Variants in ATP8B1 observed in about 807,000 individuals in gnomAD.
The protein encoded by ATP8B1 is phospholipid-transporting ATPase IC.
In ATP8B1, 80 loss-of-function variants were observed where a neutral mutation model predicts 149.9. The observed-to-expected ratio is 0.53, with a 90% CI of 0.45 to 0.64. The LOEUF (loss-of-function observed/expected upper bound fraction) is 0.64. Ranked by LOEUF, ATP8B1 falls within the 30% of genes least tolerant of loss-of-function variation. The probability of loss-of-function intolerance (pLI) is 0.00; values close to 1 mark genes in which losing one functional copy is unlikely to be tolerated. For missense variants in ATP8B1, 1,247 were observed against 1,552.6 expected, an observed-to-expected ratio of 0.80 and a Z score of 3.31; for synonymous variants, 536 against 562.8, an observed-to-expected ratio of 0.95 and a Z score of 0.67.
intron 19 of ATP8B1, chr18:57,667,909 T>G: frequency 3.0e-6 from 1 of 328,422 alleles, no homozygotes; most frequent in Non-Finnish European, 5.3e-6. Context: ...GAGACATTAT[T>G]TGATTTCTTG....
In ATP8B1 at chr18:57,709,457, C is replaced by G. The variant is rs941028655; in HGVS notation, c.182-2870G>C. 1.9e-4 allele frequency among the ~76,000 whole-genome samples: 29 copies of G among 152,276 alleles called. No homozygotes were observed. In the South Asian group the frequency reaches 4.1e-3, roughly 22 times the overall value. On this transcript the variant is annotated intron_variant, in intron 2 of 27. Transcript: ENST00000648908. ...ATCATAGGCACTTTTTAAAAAATCACAGAACACTTATTAACATCAGTTAAG... is the reference window on the plus strand; with the variant it reads ...ATCATAGGCACTTTTTAAAAAATCAGAGAACACTTATTAACATCAGTTAAG...
intron 1 of ATP8B1, among the ~76,000 whole-genome samples, chr18:57,786,332 A>G (rs149209620): frequency 2.6e-5 from 4 of 152,334 alleles, no homozygotes; most frequent in South Asian, 2.1e-4. Context: ...CCGTGGCTGG[A>G]CATCACTTCA....
chr18:57,741,399 A>T (rs2079912636), intron 1 of ATP8B1, among the ~76,000 whole-genome samples: 1 of 152,202 alleles, frequency 6.6e-6, no homozygotes, highest in Non-Finnish European at 1.5e-5. Context: ...CAAGATGTGA[A>T]GTTAGCATTG....
chr18:57,773,352 T>TG (rs1466533019), intron 1 of ATP8B1, among the ~76,000 whole-genome samples: 1 of 152,058 alleles, frequency 6.6e-6, no homozygotes, highest in Non-Finnish European at 1.5e-5. Context: ...AATAAGGTGG[T>TG]GCAGACAGAA....
intron 2 of ATP8B1, among the ~76,000 whole-genome samples, chr18:57,707,347 G>A (rs1913456999): frequency 6.6e-6 from 1 of 152,178 alleles, no homozygotes; most frequent in Non-Finnish European, 1.5e-5. Flanking sequence ...CACCTCTTTG[G>A]CACCAAGTTC....
chr18:57,676,613 G>T (rs1164885626), intron 15 of ATP8B1, among the ~76,000 whole-genome samples: 1 of 151,186 alleles, frequency 6.6e-6, no homozygotes, highest in Non-Finnish European at 1.5e-5. Flanking sequence ...CAGCTACTCG[G>T]GAGGCTGAGG....
chr18:57,680,634 G>A (rs1330883702), intron 15 of ATP8B1, among the ~76,000 whole-genome samples: 1 of 148,576 alleles, frequency 6.7e-6, no homozygotes, highest in Non-Finnish European at 1.5e-5. Context: ...AACCACACAC[G>A]CTCACAAAAA....
chr18:57,774,819 T>C (rs941896039), intron 1 of ATP8B1, among the ~76,000 whole-genome samples: 1 of 152,230 alleles, frequency 6.6e-6, no homozygotes, highest in Non-Finnish European at 1.5e-5. Context: ...CTCACCTCTT[T>C]TGCCCTTCAT....
intron 2 of ATP8B1, among the ~76,000 whole-genome samples, chr18:57,723,820 G>A (rs1172395616): frequency 6.7e-6 from 1 of 149,414 alleles, no homozygotes; most frequent in Non-Finnish European, 1.5e-5. Flanking sequence ...GAACAAAGCT[G>A]GAGGCATCAC....
At chr18:57,663,761 ATTTTTTTTTT>A (rs10598900) in intron 20 of ATP8B1, among the ~76,000 whole-genome samples, 1 of 97,462 alleles carries the variant, frequency 1.0e-5, no homozygotes, top group Non-Finnish European at 1.9e-5. Context: ...TGCTTTGCCC[ATTTTTTTTTT>A]TTTTTTTTTT....
chr18:57,680,360 A>G (rs1335612487), intron 15 of ATP8B1, among the ~76,000 whole-genome samples: 1 of 146,704 alleles, frequency 6.8e-6, no homozygotes, highest in Non-Finnish European at 1.5e-5. Flanking sequence ...TCAAGGCTGG[A>G]GGATTACTTG....
chr18:57,756,519 T>C (rs2080086199), intron 1 of ATP8B1, among the ~76,000 whole-genome samples: 1 of 152,008 alleles, frequency 6.6e-6, no homozygotes, highest in East Asian at 1.9e-4. Context: ...CAGGCTGGTC[T>C]CGAACTCCTG....
chr18:57,787,747 C>T (rs189147619), intron 1 of ATP8B1, among the ~76,000 whole-genome samples: 111 of 152,234 alleles, frequency 7.3e-4, no homozygotes, highest in Middle Eastern at 6.8e-3. Flanking sequence ...GGGTTAGATA[C>T]CTTTTTGAAT....
At chr18:57,795,877 A>G (rs574626008) in intron 1 of ATP8B1, among the ~76,000 whole-genome samples, 134 of 122,502 alleles carry the variant, frequency 1.1e-3, no homozygotes, top group African/African-American at 4.1e-3. Context: ...TTTTACATTT[A>G]AAAAAAAAAA....
At position 57,721,422 on chromosome 18, in the gene ATP8B1, A is replaced by G. The variant is rs1181929640; in HGVS notation, c.181+10205T>C. Among the ~76,000 whole-genome samples the G allele has an allele frequency of 1.9e-3, 284 of 146,660 alleles. 1 individual carries two copies. The highest frequency in any genetic ancestry group is 6.9e-3 in the African/African-American group (277 of 40,018). On this transcript the variant is annotated intron_variant, in intron 2 of 27. Transcript: ENST00000648908. ...GGAAGATCTACCAAGCAAATGGAAA[A>G]CAAAAAAAGGCAGGGGTTGCAATCC...
At chr18:57,735,173 A>G in intron 1 of ATP8B1, 1 of 161,780 alleles carries the variant, frequency 6.2e-6, no homozygotes, top group Non-Finnish European at 1.3e-5. Flanking sequence ...GGTTACCGCT[A>G]GAACTGAGCT....
intron 1 of ATP8B1, among the ~76,000 whole-genome samples, chr18:57,762,369 C>G (rs1257937820): frequency 6.6e-6 from 1 of 151,996 alleles, no homozygotes; most frequent in Admixed American, 6.5e-5. Context: ...GAACTCCTGA[C>G]CTCAAGTGAT....
At chr18:57,648,829 G>T (rs1909377286) in intron 27 of ATP8B1, 117 bp from the exon 28 acceptor site, 3 of 911,234 alleles carry the variant, frequency 3.3e-6, no homozygotes, top group South Asian at 1.6e-5. Context: ...GCCCCATTTT[G>T]ATGCAGGCAG....
At position 57,761,652 on chromosome 18, in the gene ATP8B1, A is replaced by AT. The variant is rs909177430; in HGVS notation, c.-25-29821dup. On this transcript the variant is annotated intron_variant, in intron 1 of 27. Coordinates refer to ENST00000648908, the MANE Select transcript of ATP8B1 (RefSeq NM_001374385.1). ...ATTCTATAGGTTTTTTTCTTTTCCT[A>AT]TTTTTTTTTTTAATGGACTAGGCCA... Among the ~76,000 whole-genome samples the AT allele has an allele frequency of 7.8e-4, 111 of 141,544 alleles. 1 individual carries two copies. Among genetic ancestry groups the AT allele is most frequent in the Middle Eastern group, 7.1e-3 (2 of 282 alleles). 92.9% of individuals were successfully genotyped at this position (141,544 alleles called of 152,430 possible).
Sources: allele counts gnomAD v4.1 joint callset (sites outside exome capture counted in the v4.1 genomes callset), GRCh38; gene constraint gnomAD v4.1.1; transcripts MANE v1.5; gene names NCBI Gene and HGNC (gene_info 2026-07-23, HGNC 2026-07-21).